The following RFX1 variants were observed in gnomAD, a reference collection of about 807,000 sequenced individuals.
RFX1 encodes regulatory factor X1, also known as MHC class II regulatory factor RFX1.
In RFX1, 42 loss-of-function variants were observed where a neutral mutation model predicts 119.6. The ratio of observed to expected loss-of-function variants is 0.35; its 90% CI spans 0.27 to 0.45. RFX1 has a LOEUF of 0.45. Among genes scored for constraint, RFX1 ranks in the 20% least tolerant of loss-of-function variants. RFX1 has a pLI of 1.00. For synonymous variants in RFX1, 628 were observed against 618.5 expected (o/e 1.02, Z -0.23); for missense variants, 1,118 against 1,368.1 (o/e 0.82, Z 2.88).
rs1229686716 is a variant in RFX1, at chr19:13,962,709, G to T, written c.2926C>A (p.Leu976Met). ...TDARGLFVQA[L>M]PSS ...AGGCCAAGGGCTTAGCTGGAGGGCA[G>T]CGCCTGCACGAAGAGGCCGCGCGCG... The change falls in exon 21 of 21, where the codon CTG becomes ATG. Residue 976 changes from leucine to methionine, a missense_variant. By Grantham distance (15) the Leu-to-Met change is conservative. Coordinates refer to ENST00000254325, the MANE Select transcript of RFX1 (RefSeq NM_002918.5). 5 of 1,527,932 alleles carry T rather than the reference G, an allele frequency of 3.3e-6. No homozygotes were observed. Among genetic ancestry groups the T allele is most frequent in the Non-Finnish European group, 4.4e-6 (5 of 1,143,502 alleles). The allele number at this position is 1,527,932 out of a possible 1,614,324, so 94.6% of individuals were successfully genotyped here.
Position 13,966,344 on chromosome 19 carries a change from A to G in RFX1, c.1961+77T>C. On this transcript the variant is annotated intron_variant, in intron 14 of 20. Transcript: ENST00000254325. The surrounding 1 kb of genome is among the most constrained non-coding windows in gnomAD (Gnocchi z 6.3). ...CTGCAGGGGACAAGCAGGTGCCCCA[A>G]CCCTGGCCATCAAAATCACCTGCGG... 1.1e-6 allele frequency: 1 copy of G among 917,230 alleles called. No individual in the cohort carries two copies. The highest frequency in any genetic ancestry group is 1.8e-6 in the Non-Finnish European group (1 of 570,338). 56.8% of individuals were successfully genotyped at this position (917,230 alleles called of 1,614,324 possible).
In RFX1 at chr19:13,966,856, C is replaced by T; in HGVS notation, c.1733-105G>A. The T allele has an allele frequency of 4.0e-6, 3 of 751,974 alleles. No individual in the cohort carries two copies. Among genetic ancestry groups the T allele is most frequent in the Admixed American group, 2.5e-5 (1 of 39,322 alleles). 46.6% of individuals were successfully genotyped at this position (751,974 alleles called of 1,614,324 possible). On this transcript the variant is annotated intron_variant, in intron 12 of 20. Transcript: ENST00000254325. The surrounding 1 kb of genome is among the most constrained non-coding windows in gnomAD (Gnocchi z 6.3). Reference sequence around the variant, plus strand: ...CCATCAGACTGGGGTCCCCCATGTGCCGGTGAGACAACGCTAGGTGGGGTG... The same window carrying T: ...CCATCAGACTGGGGTCCCCCATGTGTCGGTGAGACAACGCTAGGTGGGGTG...
intron 1 of RFX1, among the ~76,000 whole-genome samples, chr19:13,997,383 A>G (rs1975071345): frequency 6.6e-6 from 1 of 152,164 alleles, no homozygotes; most frequent in Non-Finnish European, 1.5e-5. Context: ...CTACGGCTCC[A>G]TCTGTGAAAT....
Position 13,980,756 on chromosome 19 carries a change from A to T in RFX1, c.622-67T>A. The T allele has an allele frequency of 1.1e-6, 1 of 933,628 alleles. No individual in the cohort carries two copies. Among genetic ancestry groups the T allele is most frequent in the Non-Finnish European group, 1.6e-6 (1 of 611,928 alleles). The allele number at this position is 933,628 out of a possible 1,614,324, so 57.8% of individuals were successfully genotyped here. Reference sequence around the variant, plus strand: ...TGCATCCTCTCTGAGGTGGGCTCACACACACACCCTTCTCAGGAGAGCTGT... The same window carrying T: ...TGCATCCTCTCTGAGGTGGGCTCACTCACACACCCTTCTCAGGAGAGCTGT... On this transcript the variant is annotated intron_variant, in intron 5 of 20. Coordinates refer to ENST00000254325, the MANE Select transcript of RFX1 (RefSeq NM_002918.5). This position sits in a 1 kb window ranked among gnomAD's most constrained non-coding sequence, Gnocchi z 5.1.
intron 5 of RFX1, 32 bp downstream of exon 5, chr19:13,982,089 G>T (rs145488017): frequency 1.3e-5 from 15 of 1,152,464 alleles, no homozygotes; most frequent in Middle Eastern, 2.2e-4. Flanking sequence ...GAGACAGCAG[G>T]GGGGAGGGCG....
In RFX1 at chr19:13,986,504, AGG is replaced by A. The variant is rs1568474406; in HGVS notation, c.320-2911_320-2910del. Among the ~76,000 whole-genome samples the A allele has an allele frequency of 6.6e-6, 1 of 152,148 alleles. No homozygotes were observed. The highest frequency in any genetic ancestry group is 2.4e-5 in the African/African-American group (1 of 41,444). On this transcript the variant is annotated intron_variant, in intron 2 of 20. Transcript: ENST00000254325. The surrounding 1 kb of genome is among the most constrained non-coding windows in gnomAD (Gnocchi z 4.2). Reference sequence around the variant, plus strand: ...ATCCCTGTCTGCCTGCGGCCGGGGCAGGGCCCCTCCACCACTGGGTCTGGCCC... The same window carrying A: ...ATCCCTGTCTGCCTGCGGCCGGGGCAGCCCCTCCACCACTGGGTCTGGCCC...
upstream of RFX1, chr19:14,006,652 G>T (rs1024849510): frequency 6.6e-6 from 1 of 152,258 alleles, no homozygotes; most frequent in Non-Finnish European, 1.5e-5. Flanking sequence ...TCTACCAAAG[G>T]TTTGCCGCGC....
chr19:13,988,531 C>A (rs1974688543), intron 2 of RFX1, among the ~76,000 whole-genome samples: 1 of 152,192 alleles, frequency 6.6e-6, no homozygotes, highest in African/African-American at 2.4e-5. Context: ...CCACTGGTGA[C>A]ATGCGAGGCC....
Position 13,968,805 on chromosome 19 carries a change from A to C in RFX1, c.1586T>G (p.Met529Arg). Residue 529 changes from methionine to arginine, a missense_variant, in exon 11 of 21, where the codon ATG becomes AGG. Around this residue, in one of 5 missense-constraint regions of RFX1, gnomAD observed 338 missense variants for 508.9 expected, o/e 0.66. Transcript: ENST00000254325. This position sits in a 1 kb window ranked among gnomAD's most constrained non-coding sequence, Gnocchi z 5.5. ...RLMEDQQHMA[M>R]RGQPFSQKQR... is the part of the protein sequence containing the mutation. ...CTTCTGCGAGAAGGGCTGGCCCCGC[A>C]TGGCCATGTGCTGCTGGTCCTCCAT... 6.4e-7 allele frequency: 1 copy of C among 1,573,770 alleles called. No individual in the cohort carries two copies. Among genetic ancestry groups the C allele is most frequent in the Non-Finnish European group, 8.6e-7 (1 of 1,159,718 alleles).
rs1599514616 is a variant in RFX1 at position 13,993,873 on chromosome 19, A to C, written c.-30T>G. 4 of 1,462,500 alleles carry C rather than the reference A, an allele frequency of 2.7e-6. No homozygotes were observed. Among genetic ancestry groups the C allele is most frequent in the Admixed American group, 2.5e-5 (1 of 39,516 alleles). 90.6% of individuals were successfully genotyped at this position (1,462,500 alleles called of 1,614,324 possible). The stretch of plus-strand genomic sequence containing the variant: ...ACGGTGGGGAAAATGATAATAAATA[A>C]GGCTTTTTTTTTTTTTTAATTCCTT... On this transcript the variant is annotated 5_prime_UTR_variant, in exon 2 of 21. Coordinates refer to ENST00000254325, the MANE Select transcript of RFX1 (RefSeq NM_002918.5).
At position 13,985,871 on chromosome 19, in the gene RFX1, T is replaced by G. The variant is rs1344298275; in HGVS notation, c.320-2276A>C. On this transcript the variant is annotated intron_variant, in intron 2 of 20. Coordinates refer to ENST00000254325, the MANE Select transcript of RFX1 (RefSeq NM_002918.5). The surrounding 1 kb of genome is among the most constrained non-coding windows in gnomAD (Gnocchi z 4.3). ...AAGGGCAGAGCGCAGGAGTGTGTGTTGGGGGCGGGGGTTGCCAGATGTGGG... is the reference window on the plus strand; with the variant it reads ...AAGGGCAGAGCGCAGGAGTGTGTGTGGGGGGCGGGGGTTGCCAGATGTGGG... 1.3e-5 allele frequency among the ~76,000 whole-genome samples: 2 copies of G among 150,566 alleles called. No individual in the cohort carries two copies. Among genetic ancestry groups the G allele is most frequent in the Non-Finnish European group, 3.0e-5 (2 of 67,532 alleles).
At chr19:13,976,251 G>C (rs1974250536) in intron 8 of RFX1, among the ~76,000 whole-genome samples, 1 of 152,230 alleles carries the variant, frequency 6.6e-6, no homozygotes, top group South Asian at 2.1e-4. Context: ...GGACTAAGTC[G>C]ATCCATGAGC....
intron 1 of RFX1, among the ~76,000 whole-genome samples, chr19:14,002,818 T>C (rs1975260490): frequency 6.6e-6 from 1 of 152,148 alleles, no homozygotes; most frequent in Admixed American, 6.6e-5. Context: ...AGCCTGGCCA[T>C]CCCCTTCCCT....
intron 2 of RFX1, among the ~76,000 whole-genome samples, chr19:13,987,562 AC>A (rs1974645544): frequency 6.6e-6 from 1 of 151,962 alleles, no homozygotes; most frequent in African/African-American, 2.4e-5. Flanking sequence ...CCCGGCGCTC[AC>A]GTGGCCCCGG....
chr19:13,992,177 G>A (rs1462782003), intron 2 of RFX1, among the ~76,000 whole-genome samples: 4 of 152,138 alleles, frequency 2.6e-5, no homozygotes, highest in African/African-American at 9.7e-5. Context: ...AGTGGCAGGC[G>A]CCTGTAGTCC....
At position 13,980,713 on chromosome 19, in the gene RFX1, G is replaced by A; in HGVS notation, c.622-24C>T. 1.2e-6 allele frequency: 1 copy of A among 801,758 alleles called. No homozygotes were observed. Among genetic ancestry groups the A allele is most frequent in the Non-Finnish European group, 1.7e-6 (1 of 594,376 alleles). The allele number at this position is 801,758 out of a possible 1,614,324, so 49.7% of individuals were successfully genotyped here. ...TGCTGTAAGGGAAGGAGACACAGGA[G>A]TGCCGCTGGGGTGGGCTTGCATCCT... On this transcript the variant is annotated intron_variant, in intron 5 of 20. Coordinates refer to ENST00000254325, the MANE Select transcript of RFX1 (RefSeq NM_002918.5). The surrounding 1 kb of genome is among the most constrained non-coding windows in gnomAD (Gnocchi z 5.1).
At chr19:13,967,527 A>G (rs1973943537) in intron 12 of RFX1, among the ~76,000 whole-genome samples, 1 of 150,890 alleles carries the variant, frequency 6.6e-6, no homozygotes, top group African/African-American at 2.4e-5. Context: ...CCCAGGCTGC[A>G]GTGCAATGGC....
At chr19:13,972,660 G>A in intron 9 of RFX1, 83 bp downstream of exon 9, 2 of 1,084,770 alleles carry the variant, frequency 1.8e-6, no homozygotes, top group Non-Finnish European at 2.6e-6. Flanking sequence ...GCGGTGGTTG[G>A]TAACCACCGT....
intron 3 of RFX1, 83 bp downstream of exon 3, chr19:13,983,403 G>C: frequency 8.0e-7 from 1 of 1,249,036 alleles, no homozygotes; most frequent in Non-Finnish European, 1.1e-6. Flanking sequence ...GAAGCGGGGA[G>C]GGGAGGTGAG....
Sources: allele counts gnomAD v4.1 joint callset (sites outside exome capture counted in the v4.1 genomes callset), GRCh38; gene constraint gnomAD v4.1.1; regional missense constraint gnomAD v4.1.1; non-coding constraint Gnocchi (gnomAD v3.1); transcripts MANE v1.5; gene names NCBI Gene and HGNC (gene_info 2026-07-23, HGNC 2026-07-21).